PPM1D: variants seen among roughly 807,000 people sequenced by gnomAD.
PPM1D encodes protein phosphatase 1D.
A neutral mutation model predicts 58.3 loss-of-function variants in PPM1D; 52 were observed. That is an observed-to-expected ratio of 0.89 (90% confidence interval 0.71 to 1.12). PPM1D has a LOEUF of 1.12. Ranked by LOEUF, PPM1D falls within the 50% of genes most tolerant of loss-of-function variation. The pLI is 0.00. For synonymous variants in PPM1D, 278 were observed against 285.1 expected (o/e 0.98, Z 0.25); for missense variants, 564 against 777.2 (o/e 0.73, Z 3.26).
intron 1 of PPM1D, among the ~76,000 whole-genome samples, chr17:60,608,106 G>C (rs151200105): frequency 6.6e-6 from 1 of 151,936 alleles, no homozygotes; most frequent in African/African-American, 2.4e-5. Context: ...TAAATTATAC[G>C]TTCTGAAAGA....
In PPM1D at chr17:60,600,896, C is replaced by G. The variant is rs778521213; in HGVS notation, c.472+10C>G. 1.9e-6 allele frequency: 3 copies of G among 1,612,980 alleles called. No individual in the cohort carries two copies. Among genetic ancestry groups the G allele is most frequent in the Admixed American group, 3.3e-5 (2 of 60,002 alleles). ...ATGTGGAAGAAACTGGGTAAGTTCC[C>G]TGGCTTGTTTGGCGCCCGCCCCTTT... On this transcript the variant is annotated intron_variant, in intron 1 of 5. Transcript: ENST00000305921.
chr17:60,659,945 CTCACGCCT>C (rs1422466181), intron 5 of PPM1D, among the ~76,000 whole-genome samples: 1 of 151,930 alleles, frequency 6.6e-6, no homozygotes, highest in East Asian at 1.9e-4. Context: ...GGTGTGGTGG[CTCACGCCT>C]GTAATCCCAG....
rs143629060 is a variant in PPM1D at position 60,632,881 on chromosome 17, C to T, written c.702-972C>T. On this transcript the variant is annotated intron_variant, in intron 2 of 5. Coordinates refer to ENST00000305921, the MANE Select transcript of PPM1D (RefSeq NM_003620.4). ...ACTTGGGAGGCTGAGGCAGAATAAT[C>T]GCTTGAACCCAGGAGGCGGAAGTTG... is the stretch of plus-strand genomic sequence containing the variant. Among the ~76,000 whole-genome samples, 566 of 151,956 alleles carry T rather than the reference C, an allele frequency of 3.7e-3. 2 individuals carry two copies. The highest frequency in any genetic ancestry group is 0.013 in the African/African-American group (536 of 41,394).
chr17:60,622,492 T>A (rs1283435802), intron 1 of PPM1D, among the ~76,000 whole-genome samples: 1 of 152,190 alleles, frequency 6.6e-6, no homozygotes, highest in Non-Finnish European at 1.5e-5. Context: ...ACATAATACT[T>A]CAGAATTGTT....
chr17:60,641,900 A>G (rs1330270769), intron 3 of PPM1D, among the ~76,000 whole-genome samples: 2 of 152,284 alleles, frequency 1.3e-5, no homozygotes, highest in East Asian at 3.9e-4. Context: ...CAAGCAGAAA[A>G]TATACTGGAA....
chr17:60,663,407 G>A lies in PPM1D; in HGVS notation c.1673G>A (p.Ser558Asn), dbSNP rs2143733293. 1 of 1,614,192 alleles carries A rather than the reference G, an allele frequency of 6.2e-7. No individual in the cohort carries two copies. The highest frequency in any genetic ancestry group is 1.1e-5 in the South Asian group (1 of 91,086). The change falls in exon 6 of 6, where the codon AGT becomes AAT. Residue 558 changes from serine (S) to asparagine (N), a missense_variant. Around this residue, in one of 7 missense-constraint regions of PPM1D, gnomAD observed 261 missense variants for 270.1 expected, o/e 0.97. Coordinates refer to ENST00000305921, the MANE Select transcript of PPM1D (RefSeq NM_003620.4). ...CATAGACGAAATGGCTTAAGTCGAA[G>A]TAGTGGTGCTCAGCCTGCAAGTCTC... The part of the protein sequence containing the change: ...KKHRRNGLSR[S>N]SGAQPASLPT...
intron 1 of PPM1D, among the ~76,000 whole-genome samples, chr17:60,606,164 T>C (rs562961960): frequency 6.6e-6 from 1 of 152,338 alleles, no homozygotes; most frequent in East Asian, 1.9e-4. Flanking sequence ...AAGTGTTCTT[T>C]TGTGTCTGAC....
rs1423606994 is a variant in PPM1D at position 60,665,133 on chromosome 17, A to C, written c.*1581A>C. The C allele has an allele frequency of 6.6e-6, 1 of 152,028 alleles. No homozygotes were observed. The highest frequency in any genetic ancestry group is 1.5e-5 in the Non-Finnish European group (1 of 68,046). The allele number at this position is 152,028 out of a possible 1,614,324, so 9.4% of individuals were successfully genotyped here. A position where few individuals can be genotyped will look rare whatever the true frequency, so the allele number is the denominator to read the frequency against. On this transcript the variant is annotated 3_prime_UTR_variant, in exon 6 of 6. Coordinates refer to ENST00000305921, the MANE Select transcript of PPM1D (RefSeq NM_003620.4). ...ATTACAGGCACGCGCCACTGTGCCC[A>C]GCCAATTTTTGTATTTTTAGTAGAG...
chr17:60,644,010 G>A (rs913007646), intron 3 of PPM1D, among the ~76,000 whole-genome samples: 7 of 143,912 alleles, frequency 4.9e-5, no homozygotes, highest in South Asian at 2.3e-4. Flanking sequence ...TCAGCCTCCC[G>A]AGTAGCTGGG....
rs990976956 is a variant in PPM1D, at chr17:60,663,509, A to C, written c.1775A>C (p.Asn592Thr). 6.2e-7 allele frequency: 1 copy of C among 1,612,438 alleles called. No homozygotes were observed. Among genetic ancestry groups the C allele is most frequent in the Non-Finnish European group, 8.5e-7 (1 of 1,180,016 alleles). ...CTTAGGGGCCAGAAGAAAATTGGAA[A>C]TCCTTTACTTCATCAACACAGGAAA... Reference protein sequence around the residue: ...RRLRGQKKIGNPLLHQHRKTV... With the variant: ...RRLRGQKKIGTPLLHQHRKTV... Residue 592 changes from asparagine to threonine, a missense_variant, in exon 6 of 6, where the codon AAT (asparagine) becomes ACT (threonine). By Grantham distance (65) the Asn-to-Thr change is moderately conservative. Around this residue, in one of 7 missense-constraint regions of PPM1D, gnomAD observed 261 missense variants for 270.1 expected, o/e 0.97. Transcript: ENST00000305921.
chr17:60,645,584 G>A (rs1049929669), intron 3 of PPM1D, among the ~76,000 whole-genome samples: 7 of 134,362 alleles, frequency 5.2e-5, no homozygotes, highest in African/African-American at 1.5e-4. Flanking sequence ...ATATATATAT[G>A]TGTGTATATA....
At chr17:60,630,242 G>A (rs1447467237) in intron 2 of PPM1D, among the ~76,000 whole-genome samples, 2 of 151,898 alleles carry the variant, frequency 1.3e-5, no homozygotes, top group Admixed American at 1.3e-4. Flanking sequence ...ATTTTCTACA[G>A]AAGAAATTAC....
At chr17:60,614,637 G>C (rs919630389) in intron 1 of PPM1D, among the ~76,000 whole-genome samples, 1 of 152,110 alleles carries the variant, frequency 6.6e-6, no homozygotes, top group African/African-American at 2.4e-5. Context: ...AAATCTTGCT[G>C]CTGCTCACTG....
chr17:60,630,285 ATTCT>A (rs1407838158), intron 2 of PPM1D, among the ~76,000 whole-genome samples: 2 of 152,052 alleles, frequency 1.3e-5, no homozygotes, highest in Admixed American at 6.5e-5. Context: ...TTTCTTGACT[ATTCT>A]TTCTTGTTTG....
At chr17:60,615,545 A>G (rs1006679856) in intron 1 of PPM1D, among the ~76,000 whole-genome samples, 1 of 152,174 alleles carries the variant, frequency 6.6e-6, no homozygotes, top group Non-Finnish European at 1.5e-5. Flanking sequence ...AAGGAAGACA[A>G]CATAAAAATA....
At chr17:60,614,083 A>C (rs1421260420) in intron 1 of PPM1D, among the ~76,000 whole-genome samples, 1 of 151,068 alleles carries the variant, frequency 6.6e-6, no homozygotes. Flanking sequence ...GATCCACTGC[A>C]AAGCCAGCTG....
intron 1 of PPM1D, among the ~76,000 whole-genome samples, chr17:60,602,093 G>C (rs372563480): frequency 1.3e-5 from 2 of 152,190 alleles, no homozygotes; most frequent in Admixed American, 6.5e-5. Flanking sequence ...TTGGCTTTCT[G>C]CCAAGAGTTA....
intron 3 of PPM1D, among the ~76,000 whole-genome samples, chr17:60,644,903 G>A (rs2031205482): frequency 6.6e-6 from 1 of 152,136 alleles, no homozygotes; most frequent in African/African-American, 2.4e-5. Context: ...GTAACAAACT[G>A]TGTTTAAGAT....
At chr17:60,650,456 CAGG>C (rs1231760317) in intron 4 of PPM1D, among the ~76,000 whole-genome samples, 13 of 151,812 alleles carry the variant, frequency 8.6e-5, no homozygotes, top group Admixed American at 5.9e-4. Flanking sequence ...GAGGCTGATG[CAGG>C]AGAATTGCTT....
Sources: gnomAD v4.1 joint callset for allele counts (sites outside exome capture counted in the v4.1 genomes callset) on GRCh38, gnomAD v4.1.1 for gene constraint, gnomAD v4.1.1 regional missense constraint, MANE v1.5 for transcripts, NCBI Gene and HGNC (gene_info 2026-07-23, HGNC 2026-07-21) for gene names.